CAST: variants seen among roughly 807,000 people sequenced by gnomAD.
The protein encoded by CAST is calpastatin.
A neutral mutation model predicts 119.6 loss-of-function variants in CAST; 76 were observed. That is an observed-to-expected ratio of 0.64 (90% CI 0.53 to 0.77). The LOEUF (loss-of-function observed/expected upper bound fraction) is 0.77, where lower values mean the gene tolerates loss of function less well. Among genes scored for constraint, CAST ranks in the 30% least tolerant of loss-of-function variants. The pLI, the probability that CAST is intolerant of heterozygous loss-of-function variation, is 0.00. For synonymous variants in CAST, 319 were observed against 331.6 expected (o/e 0.96, Z 0.41); for missense variants, 953 against 946.5 (o/e 1.01, Z -0.09).
At chr5:96,107,629 T>G in the CAST span, among the ~76,000 whole-genome samples, 30 of 152,226 alleles carry the variant, frequency 2.0e-4, no homozygotes, top group African/African-American at 7.0e-4. Flanking sequence ...GTGGGTAACC[T>G]GACCTTTCTC....
chr5:96,110,246 CTTGTT>C, the CAST span, among the ~76,000 whole-genome samples: 2 of 152,224 alleles, frequency 1.3e-5, no homozygotes, highest in Admixed American at 6.5e-5. Flanking sequence ...GGTTTTTTCT[CTTGTT>C]TTATTTACCC....
At chr5:96,349,262 G>A in the CAST span, among the ~76,000 whole-genome samples, 12 of 150,612 alleles carry the variant, frequency 8.0e-5, no homozygotes, top group Non-Finnish European at 1.8e-4. Flanking sequence ...TTGACTGGTT[G>A]CTCTGGTCTA....
upstream of CAST, among the ~76,000 whole-genome samples, chr5:96,657,112 A>C (rs1748170876): frequency 2.0e-5 from 3 of 152,208 alleles, no homozygotes; most frequent in South Asian, 6.2e-4. Flanking sequence ...AAGAAGGATC[A>C]AGACTATTTT....
the CAST span, among the ~76,000 whole-genome samples, chr5:96,120,826 CCT>C: frequency 1.3e-5 from 2 of 151,472 alleles, no homozygotes; most frequent in Non-Finnish European, 2.9e-5. Flanking sequence ...TGCTGGTCCT[CCT>C]GGCCAGGCAT....
the CAST span, among the ~76,000 whole-genome samples, chr5:96,447,722 G>A: frequency 3.3e-5 from 5 of 152,076 alleles, no homozygotes; most frequent in Non-Finnish European, 5.9e-5. Flanking sequence ...TAAAGTATAT[G>A]TTACCCCTTG....
At position 96,743,787 on chromosome 5, in the gene CAST, T is replaced by C; in HGVS notation, c.1200+1031T>C. On this transcript the variant is annotated intron_variant, in intron 16 of 31. Transcript: ENST00000675179. ...GAAGGGAAACTTGATTACAACACAA[T>C]GTGAGATATACATTACTTAGAGTAG... is the stretch of plus-strand genomic sequence containing the variant. The C allele has an allele frequency of 2.4e-6, 3 of 1,259,050 alleles. No individual in the cohort carries two copies. In the Middle Eastern group the frequency reaches 5.7e-4, roughly 241 times the overall value. 78.0% of individuals were successfully genotyped at this position (1,259,050 alleles called of 1,614,324 possible).
the CAST span, among the ~76,000 whole-genome samples, chr5:96,240,731 CTTTCTTT>C: frequency 6.3e-5 from 7 of 110,848 alleles, no homozygotes; most frequent in Admixed American, 9.0e-5. Flanking sequence ...GCCCAGCTAA[CTTTCTTT>C]TTTTTTTTTT....
At chr5:96,424,961 C>CAAA in the CAST span, among the ~76,000 whole-genome samples, 28 of 94,764 alleles carry the variant, frequency 3.0e-4, no homozygotes, top group African/African-American at 1.2e-3. Context: ...AAAACTCTGT[C>CAAA]AAAAAAAAAA....
chr5:96,423,860 CATT>C, the CAST span, among the ~76,000 whole-genome samples: 1 of 152,276 alleles, frequency 6.6e-6, no homozygotes, highest in South Asian at 2.1e-4. Flanking sequence ...ATTGAGCTCT[CATT>C]ATATTGCCTG....
intron 1 of CAST, among the ~76,000 whole-genome samples, chr5:96,585,948 C>T (rs532844651): frequency 1.3e-4 from 20 of 152,214 alleles, no homozygotes; most frequent in East Asian, 5.8e-4. Flanking sequence ...AGTTTTAAAA[C>T]GATTGTAATA....
intron 3 of CAST, among the ~76,000 whole-genome samples, chr5:96,715,322 GTT>G (rs1189912050): frequency 6.6e-6 from 1 of 152,004 alleles, no homozygotes; most frequent in East Asian, 1.9e-4. Context: ...TGTGCAAGCT[GTT>G]TTGCTCACCT....
intron 1 of CAST, among the ~76,000 whole-genome samples, chr5:96,639,524 G>T (rs148115513): frequency 1.6e-3 from 239 of 152,296 alleles, no homozygotes; most frequent in African/African-American, 5.5e-3. Context: ...ATGAGAAAAA[G>T]AAAGGCAGAA....
intron 1 of CAST, among the ~76,000 whole-genome samples, chr5:96,643,490 C>T (rs902558684): frequency 6.6e-6 from 1 of 152,118 alleles, no homozygotes; most frequent in African/African-American, 2.4e-5. Context: ...GTAATCCCAG[C>T]ACTTTAGGAG....
the CAST span, among the ~76,000 whole-genome samples, chr5:96,186,542 G>C: frequency 7.4e-4 from 112 of 152,278 alleles, 1 homozygote; most frequent in African/African-American, 2.6e-3. Context: ...AGTTTATTGA[G>C]AGTTTTTAAC....
the CAST span, among the ~76,000 whole-genome samples, chr5:96,280,761 AT>A: frequency 4.5e-3 from 658 of 147,852 alleles, 5 homozygotes; most frequent in African/African-American, 0.013. Context: ...TAGAGGTAAG[AT>A]TTTTTTTTTT....
chr5:96,401,733 T>A, the CAST span, among the ~76,000 whole-genome samples: 2 of 152,138 alleles, frequency 1.3e-5, no homozygotes, highest in East Asian at 3.8e-4. Flanking sequence ...TCATTTGTAT[T>A]GTGTTTTGTT....
At chr5:96,628,128 T>G (rs1747758731) in intron 1 of CAST, among the ~76,000 whole-genome samples, 1 of 152,272 alleles carries the variant, frequency 6.6e-6, no homozygotes, top group Non-Finnish European at 1.5e-5. Flanking sequence ...AGAAAAACTT[T>G]ACTTAATCAT....
At chr5:96,675,047 A>T (rs1026788506) in intron 1 of CAST, among the ~76,000 whole-genome samples, 1 of 152,236 alleles carries the variant, frequency 6.6e-6, no homozygotes. Context: ...TAAGGCCATA[A>T]CACATAGAAG....
At chr5:96,434,844 A>G in the CAST span, among the ~76,000 whole-genome samples, 1 of 152,240 alleles carries the variant, frequency 6.6e-6, no homozygotes, top group Non-Finnish European at 1.5e-5. Context: ...TGTGCACTAC[A>G]TAATTTCTTT....
Sources: gnomAD v4.1 joint callset for allele counts (sites outside exome capture counted in the v4.1 genomes callset) on GRCh38, gnomAD v4.1.1 for gene constraint, MANE v1.5 for transcripts, NCBI Gene and HGNC (gene_info 2026-07-23, HGNC 2026-07-21) for gene names.